RASAL2: variants seen among roughly 807,000 people sequenced by gnomAD.
The protein encoded by RASAL2 is RAS protein activator like 2, also known as ras GTPase-activating protein nGAP.
In RASAL2, 58 loss-of-function variants were observed where a neutral mutation model predicts 128.9. That is an observed-to-expected ratio of 0.45 (90% confidence interval 0.36 to 0.56). The LOEUF (loss-of-function observed/expected upper bound fraction) is 0.56, where lower values mean the gene tolerates loss of function less well. Among genes scored for constraint, RASAL2 ranks in the 20% least tolerant of loss-of-function variants. The pLI is 0.00. For missense variants in RASAL2, 1,360 were observed against 1,601.6 expected (o/e 0.85, Z 2.57); for synonymous variants, 561 against 580.8 (o/e 0.97, Z 0.49).
rs572518051 is a variant in RASAL2 at position 178,449,559 on chromosome 1, T to C, written c.1628-2012T>C. ...ACATAACAAGCACCCCCTTTGGCTC[T>C]GGTTTTTTTTTCAAATGCAAGAAGG... On this transcript the variant is annotated intron_variant, in intron 9 of 17. Transcript: ENST00000367649. Among the ~76,000 whole-genome samples, 18 of 152,200 alleles carry C rather than the reference T, an allele frequency of 1.2e-4. No individual in the cohort carries two copies. In the South Asian group the frequency reaches 3.3e-3, roughly 28 times the overall value.
At chr1:178,289,929 C>T (rs1377642761) in intron 2 of RASAL2, among the ~76,000 whole-genome samples, 1 of 152,114 alleles carries the variant, frequency 6.6e-6, no homozygotes, top group East Asian at 1.9e-4. Flanking sequence ...TTACATGGCT[C>T]ATTTTCTTAC....
intron 2 of RASAL2, among the ~76,000 whole-genome samples, chr1:178,297,543 G>A (rs1667571272): frequency 6.8e-6 from 1 of 147,764 alleles, no homozygotes; most frequent in Admixed American, 6.9e-5. Flanking sequence ...GGAGGCGGAG[G>A]TTGCAGTGAG....
At chr1:178,378,655 G>T (rs1056654190) in intron 3 of RASAL2, among the ~76,000 whole-genome samples, 2 of 152,024 alleles carry the variant, frequency 1.3e-5, no homozygotes, top group Admixed American at 1.3e-4. Context: ...CTTTATTTTT[G>T]CAGTCTTTTA....
intron 3 of RASAL2, among the ~76,000 whole-genome samples, chr1:178,339,430 G>T (rs1031226501): frequency 6.6e-6 from 1 of 152,162 alleles, no homozygotes; most frequent in East Asian, 1.9e-4. Context: ...TGCAGCATGA[G>T]TGAGTTCTCC....
At chr1:178,341,943 T>C (rs1454845513) in intron 3 of RASAL2, among the ~76,000 whole-genome samples, 1 of 152,332 alleles carries the variant, frequency 6.6e-6, no homozygotes, top group Non-Finnish European at 1.5e-5. Context: ...TTAAAATTCT[T>C]TATGAAATAT....
intron 1 of RASAL2, among the ~76,000 whole-genome samples, chr1:178,213,131 G>A (rs1042863057): frequency 1.3e-5 from 2 of 152,040 alleles, no homozygotes; most frequent in Non-Finnish European, 2.9e-5. Flanking sequence ...GACCTCCCTG[G>A]CTCAAGCAAT....
intron 5 of RASAL2, among the ~76,000 whole-genome samples, chr1:178,434,301 AAT>A (rs1223964645): frequency 6.6e-6 from 1 of 152,106 alleles, no homozygotes; most frequent in Admixed American, 6.6e-5. Flanking sequence ...TACTCCCTAG[AAT>A]ATGTCTTAAT....
intron 5 of RASAL2, among the ~76,000 whole-genome samples, chr1:178,432,990 A>G (rs954285816): frequency 1.3e-5 from 2 of 152,076 alleles, no homozygotes; most frequent in Non-Finnish European, 2.9e-5. Context: ...ATGTACATCT[A>G]CTGGTATTGT....
At chr1:178,128,117 A>G (rs553933954) in intron 1 of RASAL2, among the ~76,000 whole-genome samples, 3 of 152,216 alleles carry the variant, frequency 2.0e-5, no homozygotes, top group East Asian at 3.9e-4. Flanking sequence ...TCTGACTTCA[A>G]TGAAGTGTTC....
intron 6 of RASAL2, among the ~76,000 whole-genome samples, chr1:178,440,967 T>TG (rs1190011646): frequency 1.6e-5 from 2 of 126,122 alleles, no homozygotes; most frequent in Non-Finnish European, 3.6e-5. Context: ...AACTCAAAGT[T>TG]GAACATATTT....
intron 1 of RASAL2, among the ~76,000 whole-genome samples, chr1:178,283,008 A>T (rs1466078632): frequency 6.6e-6 from 1 of 152,192 alleles, no homozygotes; most frequent in Non-Finnish European, 1.5e-5. Flanking sequence ...ATATATTTAG[A>T]TATTTTCTTA....
intron 3 of RASAL2, among the ~76,000 whole-genome samples, chr1:178,340,987 A>AATC (rs1669844220): frequency 6.6e-6 from 1 of 152,206 alleles, no homozygotes; most frequent in South Asian, 2.1e-4. Context: ...TAAATTTTAG[A>AATC]TATTTCCGTT....
intron 3 of RASAL2, among the ~76,000 whole-genome samples, chr1:178,362,684 C>G (rs1304236605): frequency 6.6e-6 from 1 of 151,810 alleles, no homozygotes; most frequent in Non-Finnish European, 1.5e-5. Context: ...TTGTTGCTAT[C>G]TGTGTATTTG....
chr1:178,403,365 A>G (rs1673773691), intron 4 of RASAL2, among the ~76,000 whole-genome samples: 1 of 152,182 alleles, frequency 6.6e-6, no homozygotes, highest in African/African-American at 2.4e-5. Context: ...TAAGTAGCCC[A>G]CTGTATGCTA....
At chr1:178,239,192 A>G (rs919989991) in intron 1 of RASAL2, among the ~76,000 whole-genome samples, 3 of 152,216 alleles carry the variant, frequency 2.0e-5, no homozygotes, top group Non-Finnish European at 4.4e-5. Context: ...ATCTTAAGGG[A>G]TATTGATTCA....
chr1:178,423,244 T>C (rs906342072), intron 5 of RASAL2, among the ~76,000 whole-genome samples: 1 of 152,128 alleles, frequency 6.6e-6, no homozygotes, highest in African/African-American at 2.4e-5. Context: ...TGGTACAAAA[T>C]AGAGATGTCA....
chr1:178,464,845 T>TTTTTTTTTTTTTC (rs1647509885), intron 15 of RASAL2, among the ~76,000 whole-genome samples: 1 of 147,514 alleles, frequency 6.8e-6, no homozygotes, highest in African/African-American at 2.5e-5. Context: ...TTTTTTTTTT[T>TTTTTTTTTTTTTC]TTTTTTTTTT....
intron 4 of RASAL2, among the ~76,000 whole-genome samples, chr1:178,396,544 AT>A: frequency 6.6e-6 from 1 of 152,234 alleles, no homozygotes; most frequent in African/African-American, 2.4e-5. Flanking sequence ...AGAGTTAGCT[AT>A]GCAAAAAAAT....
chr1:178,311,211 T>C (rs575535183), intron 3 of RASAL2, among the ~76,000 whole-genome samples: 1 of 146,992 alleles, frequency 6.8e-6, no homozygotes, highest in African/African-American at 2.6e-5. Context: ...CCATCAAGGA[T>C]ATGGAGAACG....
Sources: allele counts gnomAD v4.1 joint callset (sites outside exome capture counted in the v4.1 genomes callset), GRCh38; gene constraint gnomAD v4.1.1; transcripts MANE v1.5; gene names NCBI Gene and HGNC (gene_info 2026-07-23, HGNC 2026-07-21).